The following RBL1 variants were observed in gnomAD, a reference collection of about 807,000 sequenced individuals.
RBL1 encodes RB transcriptional corepressor like 1.
In RBL1, 82 loss-of-function variants were observed where a neutral mutation model predicts 123.0. The ratio of observed to expected loss-of-function variants is 0.67; its 90% CI spans 0.56 to 0.80. The LOEUF is 0.80. Among genes scored for constraint, RBL1 ranks in the 30% least tolerant of loss-of-function variants. The pLI is 0.00. For missense variants in RBL1, 1,171 were observed against 1,299.6 expected (o/e 0.90, Z 1.52); for synonymous variants, 405 against 441.3 (o/e 0.92, Z 1.03).
At chr20:37,018,627 A>T (rs2064293119) in intron 18 of RBL1, among the ~76,000 whole-genome samples, 1 of 152,194 alleles carries the variant, frequency 6.6e-6, no homozygotes, top group Admixed American at 6.5e-5. Flanking sequence ...AAGACTGATG[A>T]TCAGGTTTTA....
intron 21 of RBL1, among the ~76,000 whole-genome samples, chr20:37,001,999 G>C (rs928495733): frequency 6.7e-6 from 1 of 148,610 alleles, no homozygotes; most frequent in Non-Finnish European, 1.5e-5. Flanking sequence ...AGTAGCTCTC[G>C]ATGTGTAGTA....
intron 20 of RBL1, among the ~76,000 whole-genome samples, chr20:37,006,218 G>A (rs150387473): frequency 7.5e-6 from 1 of 133,396 alleles, no homozygotes; most frequent in African/African-American, 2.7e-5. Flanking sequence ...TTTTTTTTTT[G>A]AGACAGAGTT....
intron 11 of RBL1, among the ~76,000 whole-genome samples, chr20:37,053,229 G>A (rs2064947703): frequency 6.6e-6 from 1 of 152,200 alleles, no homozygotes; most frequent in South Asian, 2.1e-4. Context: ...GCAGAATACA[G>A]CAGATCCTTG....
intron 2 of RBL1, among the ~76,000 whole-genome samples, chr20:37,071,980 C>T (rs1019484437): frequency 6.6e-6 from 1 of 152,122 alleles, no homozygotes; most frequent in Non-Finnish European, 1.5e-5. Flanking sequence ...AAATAAGTCA[C>T]CCAACCTCAG....
chr20:37,002,635 G>A (rs948613909), intron 21 of RBL1, among the ~76,000 whole-genome samples: 4 of 150,406 alleles, frequency 2.7e-5, no homozygotes, highest in African/African-American at 4.9e-5. Flanking sequence ...CACCGTGCCC[G>A]GCCCTAATCT....
Position 37,067,205 on chromosome 20 carries a change from TGTAAGACCACTGAA to T in RBL1, c.556+14_556+27del. ...TAGCACCAAGTTCCCAGAGTAGAAA[TGTAAGACCACTGAA>T]AGTGTCATCTTACCCTTAGTATAAA... On this transcript the variant is annotated intron_variant, in intron 4 of 21. Transcript: ENST00000373664. 6.3e-7 allele frequency: 1 copy of T among 1,582,462 alleles called. No homozygotes were observed. Among genetic ancestry groups the T allele is most frequent in the Non-Finnish European group, 8.5e-7 (1 of 1,170,126 alleles).
At chr20:37,071,892 C>T (rs186514218) in intron 2 of RBL1, among the ~76,000 whole-genome samples, 1 of 152,266 alleles carries the variant, frequency 6.6e-6, no homozygotes, top group East Asian at 1.9e-4. Flanking sequence ...CTTCCTGAGG[C>T]CCTCACCAGG....
intron 16 of RBL1, among the ~76,000 whole-genome samples, chr20:37,027,083 C>T (rs188045849): frequency 1.3e-5 from 2 of 151,598 alleles, no homozygotes; most frequent in Non-Finnish European, 2.9e-5. Context: ...TGGCTCACAC[C>T]TGTTGTAATC....
At chr20:37,017,004 C>T (rs1390669376) in intron 19 of RBL1, among the ~76,000 whole-genome samples, 4 of 150,996 alleles carry the variant, frequency 2.6e-5, no homozygotes, top group African/African-American at 7.3e-5. Context: ...GGAGAGAAGA[C>T]GAGACGAGAC....
intron 2 of RBL1, among the ~76,000 whole-genome samples, chr20:37,074,320 A>G (rs766346420): frequency 8.0e-5 from 12 of 150,438 alleles, no homozygotes; most frequent in Non-Finnish European, 1.6e-4. Context: ...GGGCTGAGGT[A>G]GGCAGATCGC....
At chr20:37,059,591 T>C (rs1217489268) in intron 9 of RBL1, among the ~76,000 whole-genome samples, 1 of 152,164 alleles carries the variant, frequency 6.6e-6, no homozygotes, top group Non-Finnish European at 1.5e-5. Flanking sequence ...AAATCTGAAG[T>C]ATTGATGAGA....
chr20:37,053,435 T>A (rs574191863), intron 11 of RBL1, among the ~76,000 whole-genome samples: 181 of 152,312 alleles, frequency 1.2e-3, no homozygotes, highest in South Asian at 2.7e-3. Flanking sequence ...AGTGTAAGTG[T>A]GGGTGTGTGT....
chr20:37,045,140 T>C (rs1034330650), intron 12 of RBL1, among the ~76,000 whole-genome samples: 6 of 151,806 alleles, frequency 4.0e-5, no homozygotes, highest in African/African-American at 1.5e-4. Context: ...GGAGTCTCAC[T>C]CTGTCACCCA....
At chr20:37,026,556 T>G (rs1302469461) in intron 16 of RBL1, among the ~76,000 whole-genome samples, 1 of 151,840 alleles carries the variant, frequency 6.6e-6, no homozygotes, top group Non-Finnish European at 1.5e-5. Flanking sequence ...ATACAAAAAT[T>G]AGCCGGGTGT....
At chr20:37,037,110 A>G (rs555014541) in intron 14 of RBL1, among the ~76,000 whole-genome samples, 2 of 152,346 alleles carry the variant, frequency 1.3e-5, no homozygotes, top group African/African-American at 4.8e-5. Context: ...GCAAATTTCT[A>G]TAGTTGTTTC....
intron 16 of RBL1, among the ~76,000 whole-genome samples, chr20:37,030,977 C>T (rs913841566): frequency 2.0e-5 from 3 of 151,832 alleles, no homozygotes; most frequent in Admixed American, 1.3e-4. Flanking sequence ...ACCTGGGAGG[C>T]GGAGGCTGCA....
chr20:37,040,857 G>C (rs2064711388), intron 13 of RBL1, among the ~76,000 whole-genome samples: 1 of 152,118 alleles, frequency 6.6e-6, no homozygotes. Context: ...TCCATTTAGG[G>C]ATGAGAAAAT....
At chr20:37,007,826 A>G (rs1337517548) in intron 19 of RBL1, among the ~76,000 whole-genome samples, 1 of 152,086 alleles carries the variant, frequency 6.6e-6, no homozygotes, top group Non-Finnish European at 1.5e-5. Context: ...CCTGGGCTCA[A>G]GTGATCCACC....
intron 6 of RBL1, 46 bp from the exon 7 acceptor site, chr20:37,065,519 T>C (rs1172973672): frequency 2.4e-6 from 3 of 1,259,220 alleles, no homozygotes; most frequent in Non-Finnish European, 3.4e-6. Context: ...TTAAGCATAT[T>C]AATACACACA....
Sources: gnomAD v4.1 joint callset for allele counts (sites outside exome capture counted in the v4.1 genomes callset) on GRCh38, gnomAD v4.1.1 for gene constraint, MANE v1.5 for transcripts, NCBI Gene and HGNC (gene_info 2026-07-23, HGNC 2026-07-21) for gene names.